DNAJC5: variants seen among roughly 807,000 people sequenced by gnomAD.
DNAJC5 encodes DnaJ heat shock protein family (Hsp40) member C5.
DNAJC5 carries 1 observed loss-of-function variant against 23.2 expected under a neutral mutation model. That is an observed-to-expected ratio of 0.04 (90% confidence interval 0.02 to 0.20). The LOEUF (loss-of-function observed/expected upper bound fraction) is 0.20, where lower values mean the gene tolerates loss of function less well. Among genes scored for constraint, DNAJC5 ranks in the 10% least tolerant of loss-of-function variants. DNAJC5 has a pLI of 1.00. For missense variants in DNAJC5, 180 were observed against 267.0 expected, an observed-to-expected ratio of 0.67 and a Z score of 2.27; for synonymous variants, 136 against 120.0, an observed-to-expected ratio of 1.13 and a Z score of -0.87.
At chr20:63,913,730 ACGACCACGCCCAG>A in intron 1 of DNAJC5, among the ~76,000 whole-genome samples, 1 of 151,992 alleles carries the variant, frequency 6.6e-6, no homozygotes, top group Non-Finnish European at 1.5e-5. Flanking sequence ...GCGGGCACCT[ACGACCACGCCCAG>A]CTAATTTTGT....
At position 63,913,324 on chromosome 20, in the gene DNAJC5, C is replaced by G. The variant is rs143915650; in HGVS notation, c.-11-15011C>G. The stretch of plus-strand genomic sequence containing the variant: ...CCCTCTCCTCCCGCTTCTCCTCAGA[C>G]GTCATCTGTTCTTTCTAGAGTTGTT... On this transcript the variant is annotated intron_variant, in intron 1 of 4. Coordinates refer to ENST00000360864, the MANE Select transcript of DNAJC5 (RefSeq NM_025219.3). 6.2e-4 allele frequency among the ~76,000 whole-genome samples: 95 copies of G among 152,210 alleles called. 1 individual carries two copies. In the East Asian group the frequency reaches 0.017, roughly 27 times the overall value.
intron 1 of DNAJC5, among the ~76,000 whole-genome samples, chr20:63,908,346 C>T (rs866098638): frequency 7.9e-5 from 12 of 152,166 alleles, no homozygotes; most frequent in African/African-American, 2.2e-4. Flanking sequence ...AGCGGGTTCC[C>T]GCTGGAAGTG....
chr20:63,901,045 G>A (rs1234370152), intron 1 of DNAJC5, among the ~76,000 whole-genome samples: 1 of 152,180 alleles, frequency 6.6e-6, no homozygotes, highest in African/African-American at 2.4e-5. Context: ...TCTCACTGCC[G>A]CTTCCACCTC....
chr20:63,907,464 C>T (rs116011018), intron 1 of DNAJC5, among the ~76,000 whole-genome samples: 218 of 152,262 alleles, frequency 1.4e-3, no homozygotes, highest in African/African-American at 5.1e-3. Context: ...AATGCCCATT[C>T]GACAAAGAGG....
At position 63,895,335 on chromosome 20, in the gene DNAJC5, G is replaced by T. The variant is rs1057521885; in HGVS notation, c.-12+12G>T. 21 of 147,344 alleles carry T rather than the reference G, an allele frequency of 1.4e-4. No homozygotes were observed. The highest frequency in any genetic ancestry group is 5.1e-4 in the African/African-American group (21 of 40,814). 9.1% of individuals were successfully genotyped at this position (147,344 alleles called of 1,614,324 possible). A position where few individuals can be genotyped will look rare whatever the true frequency, so the allele number is the denominator to read the frequency against. On this transcript the variant is annotated intron_variant, in intron 1 of 4. Transcript: ENST00000360864. ...GGGCGGACGGGCAGGTGAGCTCGCT[G>T]CGGGTCGGGCGGGCGGATCGGCCCA... is the stretch of plus-strand genomic sequence containing the variant.
chr20:63,926,042 A>G (rs1032752670), intron 1 of DNAJC5, among the ~76,000 whole-genome samples: 1 of 151,966 alleles, frequency 6.6e-6, no homozygotes, highest in African/African-American at 2.4e-5. Flanking sequence ...GTTAGCCAGG[A>G]TGGTCTCAAT....
At chr20:63,908,158 C>T in intron 1 of DNAJC5, among the ~76,000 whole-genome samples, 1 of 152,188 alleles carries the variant, frequency 6.6e-6, no homozygotes, top group East Asian at 1.9e-4. Flanking sequence ...AATGATTTGA[C>T]TTTCGTCATA....
intron 1 of DNAJC5, among the ~76,000 whole-genome samples, chr20:63,896,866 G>A (rs1193487311): frequency 2.0e-5 from 3 of 152,186 alleles, no homozygotes; most frequent in African/African-American, 7.2e-5. Context: ...GAGCTTAGCA[G>A]CAGCTGTGCG....
intron 1 of DNAJC5, among the ~76,000 whole-genome samples, chr20:63,902,701 AGTCTTGCTCT>A (rs1333875885): frequency 9.5e-6 from 1 of 105,290 alleles, no homozygotes; most frequent in Non-Finnish European, 1.8e-5. Flanking sequence ...TTTGAGACAG[AGTCTTGCTCT>A]GTCGCCCAGG....
At chr20:63,925,008 G>A (rs1445735791) in intron 1 of DNAJC5, among the ~76,000 whole-genome samples, 1 of 152,260 alleles carries the variant, frequency 6.6e-6, no homozygotes, top group Non-Finnish European at 1.5e-5. Context: ...TTATTGAGCA[G>A]TGAAACAGCT....
chr20:63,931,386 A>C lies in DNAJC5; in HGVS notation c.494-79A>C, dbSNP rs2053669183. On this transcript the variant is annotated intron_variant, in intron 4 of 4. Transcript: ENST00000360864. The surrounding 1 kb of genome is among the most constrained non-coding windows in gnomAD (Gnocchi z 9.6). ...GGTGGAGAGTTTGTCCAGGTGCCCGAAAGTCGCTCCACAGGACCAGCGTTG... is the reference window on the plus strand; with the variant it reads ...GGTGGAGAGTTTGTCCAGGTGCCCGCAAGTCGCTCCACAGGACCAGCGTTG... 2 of 1,367,532 alleles carry C rather than the reference A, an allele frequency of 1.5e-6. No individual in the cohort carries two copies. The highest frequency in any genetic ancestry group is 2.0e-6 in the Non-Finnish European group (2 of 994,486). The allele number at this position is 1,367,532 out of a possible 1,614,324, so 84.7% of individuals were successfully genotyped here. A position where few individuals can be genotyped will look rare whatever the true frequency, so the allele number is the denominator to read the frequency against.
At chr20:63,909,560 A>G (rs1486059027) in intron 1 of DNAJC5, among the ~76,000 whole-genome samples, 1 of 152,110 alleles carries the variant, frequency 6.6e-6, no homozygotes, top group Non-Finnish European at 1.5e-5. Context: ...TGCGTGCCGT[A>G]GTCCCAGCTA....
At position 63,932,391 on chromosome 20, in the gene DNAJC5, C is replaced by T. The variant is rs1241609354; in HGVS notation, c.*823C>T. On this transcript the variant is annotated 3_prime_UTR_variant, in exon 5 of 5. Coordinates refer to ENST00000360864, the MANE Select transcript of DNAJC5 (RefSeq NM_025219.3). This position sits in a 1 kb window ranked among gnomAD's most constrained non-coding sequence, Gnocchi z 4.4. ...TGTGTTCCTGCACTTTTCCCGGGCTCTGAGCTGGATTGATGGGGCCAGTCT... is the reference window on the plus strand; with the variant it reads ...TGTGTTCCTGCACTTTTCCCGGGCTTTGAGCTGGATTGATGGGGCCAGTCT... 1 of 152,708 alleles carries T rather than the reference C, an allele frequency of 6.5e-6. No individual in the cohort carries two copies. The highest frequency in any genetic ancestry group is 1.5e-5 in the Non-Finnish European group (1 of 68,116). The allele number at this position is 152,708 out of a possible 1,614,324, so 9.5% of individuals were successfully genotyped here.
At chr20:63,927,454 T>A (rs1487388410) in intron 1 of DNAJC5, among the ~76,000 whole-genome samples, 1 of 152,162 alleles carries the variant, frequency 6.6e-6, no homozygotes, top group African/African-American at 2.4e-5. Flanking sequence ...GCAGGAGCAT[T>A]GCTTGAACCG....
In DNAJC5 at chr20:63,934,528, C is replaced by G. The variant is rs866342041; in HGVS notation, c.*2960C>G. On this transcript the variant is annotated 3_prime_UTR_variant, in exon 5 of 5. Coordinates refer to ENST00000360864, the MANE Select transcript of DNAJC5 (RefSeq NM_025219.3). ...GGCAGCACTGACTGCTTCCGACCTG[C>G]AGGAGGCGTAGGAGCGGCCCTGCGG... 1.3e-5 allele frequency: 2 copies of G among 152,272 alleles called. No homozygotes were observed. Among genetic ancestry groups the G allele is most frequent in the Middle Eastern group, 3.2e-3 (1 of 316 alleles). 9.4% of individuals were successfully genotyped at this position (152,272 alleles called of 1,614,324 possible).
intron 1 of DNAJC5, among the ~76,000 whole-genome samples, chr20:63,917,934 G>T (rs1453655973): frequency 1.3e-5 from 2 of 152,154 alleles, no homozygotes; most frequent in African/African-American, 2.4e-5. Flanking sequence ...CGCCTCAGTT[G>T]CTTGTTGCTG....
At position 63,931,651 on chromosome 20, in the gene DNAJC5, G is replaced by C; in HGVS notation, c.*83G>C. 1 of 1,398,006 alleles carries C rather than the reference G, an allele frequency of 7.2e-7. No homozygotes were observed. The highest frequency in any genetic ancestry group is 9.8e-7 in the Non-Finnish European group (1 of 1,020,902). 86.6% of individuals were successfully genotyped at this position (1,398,006 alleles called of 1,614,324 possible). A position where few individuals can be genotyped will look rare whatever the true frequency, so the allele number is the denominator to read the frequency against. The stretch of plus-strand genomic sequence containing the variant: ...ATCATGAACTGTAGTCACAGAGATG[G>C]GAAGGCAGCCTCCTGCCTGCCCTGG... On this transcript the variant is annotated 3_prime_UTR_variant, in exon 5 of 5. Transcript: ENST00000360864. This position sits in a 1 kb window ranked among gnomAD's most constrained non-coding sequence, Gnocchi z 9.6.
rs866193519 is a variant in DNAJC5 at position 63,934,045 on chromosome 20, C to T, written c.*2477C>T. On this transcript the variant is annotated 3_prime_UTR_variant, in exon 5 of 5. Transcript: ENST00000360864. Reference sequence around the variant, plus strand: ...CTAATAAATCATGGTTGTGGCCATTCTCACGGTGGTGATTGTGATTAGACG... The same window carrying T: ...CTAATAAATCATGGTTGTGGCCATTTTCACGGTGGTGATTGTGATTAGACG... 2 of 152,316 alleles carry T rather than the reference C, an allele frequency of 1.3e-5. No homozygotes were observed. Among genetic ancestry groups the T allele is most frequent in the South Asian group, 4.2e-4 (2 of 4,812 alleles). The allele number at this position is 152,316 out of a possible 1,614,324, so 9.4% of individuals were successfully genotyped here.
intron 1 of DNAJC5, among the ~76,000 whole-genome samples, chr20:63,912,905 C>T (rs6062576): frequency 0.055 from 8,301 of 152,152 alleles, 444 homozygotes; most frequent in East Asian, 0.23. Context: ...CGTGCCCGGC[C>T]GGCAGTCAGT....
Sources: allele counts gnomAD v4.1 joint callset (sites outside exome capture counted in the v4.1 genomes callset), GRCh38; gene constraint gnomAD v4.1.1; non-coding constraint Gnocchi (gnomAD v3.1); transcripts MANE v1.5; gene names NCBI Gene and HGNC (gene_info 2026-07-23, HGNC 2026-07-21).